The following OSTF1 variants were observed in gnomAD, a reference collection of about 807,000 sequenced individuals.
OSTF1 encodes the protein osteoclast stimulating factor 1, also known as osteoclast-stimulating factor 1.
Under a neutral mutation model 37.2 loss-of-function variants are expected in OSTF1, and 27 were observed. The observed-to-expected ratio is 0.73, with a 90% CI of 0.54 to 1.00. The LOEUF is 1.00. Ranked by LOEUF, OSTF1 falls within the 50% of genes least tolerant of loss-of-function variation. The pLI is 0.00. For synonymous variants in OSTF1, 82 were observed against 89.2 expected (o/e 0.92, Z 0.46); for missense variants, 232 against 253.8 (o/e 0.91, Z 0.58).
Position 75,090,156 on chromosome 9 carries a change from T to C in OSTF1, c.34+1430T>C, listed in dbSNP as rs181332272. On this transcript the variant is annotated intron_variant, in intron 1 of 9. Transcript: ENST00000346234. ...CTAACAGTGCAGAGTTGTTCTTTGA[T>C]AGCTAAACAATATTTTATTTATCTT... Among the ~76,000 whole-genome samples the C allele has an allele frequency of 4.6e-5, 7 of 152,354 alleles. No homozygotes were observed. The East Asian group carries it at 1.3e-3, about 29-fold the overall frequency.
chr9:75,127,219 A>T (rs1317953046), intron 2 of OSTF1, among the ~76,000 whole-genome samples: 1 of 152,208 alleles, frequency 6.6e-6, no homozygotes, highest in Non-Finnish European at 1.5e-5. Flanking sequence ...AATTCTAGAC[A>T]TTTATATTTT....
chr9:75,116,957 T>A (rs1825500734), intron 1 of OSTF1, among the ~76,000 whole-genome samples: 1 of 152,176 alleles, frequency 6.6e-6, no homozygotes, highest in Admixed American at 6.5e-5. Flanking sequence ...CAGGCTTTTT[T>A]TTTCTTGGAT....
chr9:75,101,540 G>A (rs1390117305), intron 1 of OSTF1, among the ~76,000 whole-genome samples: 1 of 152,186 alleles, frequency 6.6e-6, no homozygotes, highest in Non-Finnish European at 1.5e-5. Context: ...GGAGGCTCTT[G>A]TACGTGCTAC....
At chr9:75,129,217 A>G (rs1825724563) in intron 3 of OSTF1, among the ~76,000 whole-genome samples, 2 of 152,196 alleles carry the variant, frequency 1.3e-5, no homozygotes. Context: ...TGAGTTTCTA[A>G]TGTTACTTCT....
At chr9:75,109,132 C>T (rs562274668) in intron 1 of OSTF1, among the ~76,000 whole-genome samples, 1 of 151,692 alleles carries the variant, frequency 6.6e-6, no homozygotes, top group African/African-American at 2.4e-5. Flanking sequence ...CCTGCCTCAG[C>T]CTCCCAACTA....
intron 1 of OSTF1, among the ~76,000 whole-genome samples, chr9:75,111,213 A>T (rs1386994893): frequency 6.6e-6 from 1 of 152,172 alleles, no homozygotes; most frequent in African/African-American, 2.4e-5. Flanking sequence ...AATTTCACCT[A>T]GTTACCCTTT....
At chr9:75,117,058 A>G (rs1825502373) in intron 1 of OSTF1, among the ~76,000 whole-genome samples, 2 of 152,144 alleles carry the variant, frequency 1.3e-5, no homozygotes, top group Admixed American at 1.3e-4. Context: ...ATATAATGAT[A>G]TGTTTTTAAA....
intron 2 of OSTF1, among the ~76,000 whole-genome samples, chr9:75,123,236 A>G (rs1291935149): frequency 6.6e-6 from 1 of 152,214 alleles, no homozygotes; most frequent in Non-Finnish European, 1.5e-5. Context: ...CCTGGCTAAC[A>G]CGGTGAAACC....
rs774154243 is a variant in OSTF1 at position 75,142,023 on chromosome 9, C to T, written c.586+1091C>T. Among the ~76,000 whole-genome samples, 18 of 152,318 alleles carry T rather than the reference C, an allele frequency of 1.2e-4. No homozygotes were observed. In the East Asian group the frequency reaches 1.3e-3, roughly 11 times the overall value. ...TCAGCCTCCCAAAGCACTGGGATTA[C>T]AGGCGAGAGCCGCTGTGCCCAGCCT... On this transcript the variant is annotated intron_variant, in intron 9 of 9. Coordinates refer to ENST00000346234, the MANE Select transcript of OSTF1 (RefSeq NM_012383.5).
rs1038589296 is a variant in OSTF1, at chr9:75,117,532, T to C, written c.63T>C (p.Tyr21=). The C allele has an allele frequency of 1.2e-6, 2 of 1,611,088 alleles. No homozygotes were observed. The highest frequency in any genetic ancestry group is 1.7e-6 in the Non-Finnish European group (2 of 1,177,816). The part of the protein sequence containing the change: ...PGQVKVFRAL[Y]TFEPRTPDEL... Reference sequence around the variant, plus strand: ...AAGTTAAAGTCTTCAGAGCCCTGTATACGTTTGAACCCAGAACTGTAAGTG... The same window carrying C: ...AAGTTAAAGTCTTCAGAGCCCTGTACACGTTTGAACCCAGAACTGTAAGTG... The change falls in exon 2 of 10, where the codon TAT becomes TAC. Residue 21 remains tyrosine (Y), a synonymous_variant. Transcript: ENST00000346234.
At chr9:75,115,388 T>C (rs1317606407) in intron 1 of OSTF1, among the ~76,000 whole-genome samples, 1 of 152,098 alleles carries the variant, frequency 6.6e-6, no homozygotes, top group Non-Finnish European at 1.5e-5. Flanking sequence ...AACTCCTGGG[T>C]TCAGGCTATT....
At chr9:75,129,686 A>G (rs1825733163) in intron 3 of OSTF1, among the ~76,000 whole-genome samples, 1 of 152,228 alleles carries the variant, frequency 6.6e-6, no homozygotes. Context: ...GGCAAAATCC[A>G]TAGAGGTTGA....
intron 1 of OSTF1, among the ~76,000 whole-genome samples, chr9:75,102,897 G>A (rs1331730880): frequency 6.6e-6 from 1 of 152,194 alleles, no homozygotes; most frequent in Non-Finnish European, 1.5e-5. Flanking sequence ...TCTCAGTTTT[G>A]TGGGTGTACT....
At chr9:75,132,095 T>C (rs918793374) in intron 5 of OSTF1, among the ~76,000 whole-genome samples, 3 of 152,220 alleles carry the variant, frequency 2.0e-5, no homozygotes, top group Non-Finnish European at 2.9e-5. Context: ...AAAGACATGG[T>C]CTGTGACTTC....
rs372433959 is a variant in OSTF1, at chr9:75,133,418, G to T, written c.358+17G>T. On this transcript the variant is annotated intron_variant, in intron 6 of 9. Coordinates refer to ENST00000346234, the MANE Select transcript of OSTF1 (RefSeq NM_012383.5). ...GCCACAAAGGTATTACATTTTGTTT[G>T]TTATATGTTTCTATGCTGCTGAAAA... is the stretch of plus-strand genomic sequence containing the variant. 12 of 1,434,732 alleles carry T rather than the reference G, an allele frequency of 8.4e-6. No homozygotes were observed. In the Admixed American group the frequency reaches 2.1e-4, roughly 25 times the overall value. 88.9% of individuals were successfully genotyped at this position (1,434,732 alleles called of 1,614,324 possible). A position where few individuals can be genotyped will look rare whatever the true frequency, so the allele number is the denominator to read the frequency against.
In OSTF1 at chr9:75,090,801, C is replaced by T. The variant is rs560586436; in HGVS notation, c.34+2075C>T. Among the ~76,000 whole-genome samples, 10 of 152,198 alleles carry T rather than the reference C, an allele frequency of 6.6e-5. No individual in the cohort carries two copies. In the South Asian group the frequency reaches 8.3e-4, roughly 13 times the overall value. On this transcript the variant is annotated intron_variant, in intron 1 of 9. Coordinates refer to ENST00000346234, the MANE Select transcript of OSTF1 (RefSeq NM_012383.5). ...TAGCCTGGGCAACATAGCAAGACCC[C>T]GTCTCAACAGAGTACAAAAAACAAA...
intron 2 of OSTF1, among the ~76,000 whole-genome samples, chr9:75,123,257 T>C (rs1360881118): frequency 6.6e-6 from 1 of 152,034 alleles, no homozygotes; most frequent in East Asian, 1.9e-4. Flanking sequence ...CCGTCTCTAC[T>C]AAAAATACAA....
chr9:75,097,275 G>C (rs1406836017), intron 1 of OSTF1, among the ~76,000 whole-genome samples: 1 of 152,184 alleles, frequency 6.6e-6, no homozygotes, highest in Non-Finnish European at 1.5e-5. Flanking sequence ...ATGTGAGGTA[G>C]GAGTCACTAC....
At chr9:75,145,188 C>CTATT (rs61423669) in intron 9 of OSTF1, among the ~76,000 whole-genome samples, 5 of 122,366 alleles carry the variant, frequency 4.1e-5, no homozygotes, top group Admixed American at 8.3e-5. Context: ...ATCTATCTAT[C>CTATT]GGTTTGATCT....
Sources: gnomAD v4.1 joint callset for allele counts (sites outside exome capture counted in the v4.1 genomes callset) on GRCh38, gnomAD v4.1.1 for gene constraint, MANE v1.5 for transcripts, NCBI Gene and HGNC (gene_info 2026-07-23, HGNC 2026-07-21) for gene names.